Variants in ST18 observed in about 807,000 individuals in gnomAD.
ST18 encodes ST18 C2H2C-type zinc finger transcription factor.
A neutral mutation model predicts 110.0 loss-of-function variants in ST18; 50 were observed. That is an observed-to-expected ratio of 0.45 (90% CI 0.36 to 0.58). The LOEUF is 0.58. ST18 is among the 20% of genes least tolerant of loss of function. The probability of loss-of-function intolerance (pLI) is 0.00; values close to 1 mark genes in which losing one functional copy is unlikely to be tolerated. For missense variants in ST18, 1,306 were observed against 1,280.1 expected, an observed-to-expected ratio of 1.02 and a Z score of -0.31; for synonymous variants, 461 against 452.4, an observed-to-expected ratio of 1.02 and a Z score of -0.24.
intron 2 of ST18, among the ~76,000 whole-genome samples, chr8:52,271,569 C>T (rs1238193574): frequency 1.3e-5 from 2 of 152,150 alleles, no homozygotes; most frequent in Non-Finnish European, 2.9e-5. Context: ...GTATGAGTAC[C>T]CACGTAGTTT....
chr8:52,280,615 C>G (rs1327534350), intron 2 of ST18, among the ~76,000 whole-genome samples: 1 of 151,862 alleles, frequency 6.6e-6, no homozygotes, highest in South Asian at 2.1e-4. Flanking sequence ...TATTAAATGG[C>G]TTTATTATTA....
chr8:52,364,383 T>C (rs1826988553), intron 2 of ST18, among the ~76,000 whole-genome samples: 1 of 152,212 alleles, frequency 6.6e-6, no homozygotes, highest in Non-Finnish European at 1.5e-5. Flanking sequence ...CTGAGGTTCA[T>C]GATGTCTTTC....
At chr8:52,405,526 T>C (rs1184118334) in intron 2 of ST18, 1 of 152,242 alleles carries the variant, frequency 6.6e-6, no homozygotes, top group South Asian at 2.1e-4. Flanking sequence ...AGCAAATATT[T>C]ATTCAAATTG....
chr8:52,302,663 A>T (rs1056129008), intron 2 of ST18, among the ~76,000 whole-genome samples: 1 of 152,200 alleles, frequency 6.6e-6, no homozygotes, highest in African/African-American at 2.4e-5. Flanking sequence ...AAATTATGGG[A>T]ATATATCAAA....
At chr8:52,189,882 C>T (rs2073901706) in intron 8 of ST18, among the ~76,000 whole-genome samples, 1 of 152,190 alleles carries the variant, frequency 6.6e-6, no homozygotes, top group Admixed American at 6.5e-5. Context: ...GGTGCAGATA[C>T]ATATTGGCTT....
At chr8:52,147,453 T>C (rs1439918038) in intron 16 of ST18, among the ~76,000 whole-genome samples, 1 of 152,040 alleles carries the variant, frequency 6.6e-6, no homozygotes, top group Non-Finnish European at 1.5e-5. Flanking sequence ...AAAAGTATAA[T>C]CAGTGTCAAA....
chr8:52,281,469 C>T (rs555317997), intron 2 of ST18, among the ~76,000 whole-genome samples: 1 of 151,928 alleles, frequency 6.6e-6, no homozygotes, highest in Non-Finnish European at 1.5e-5. Context: ...ATTAGAAATG[C>T]GAAAGAAGGA....
intron 2 of ST18, among the ~76,000 whole-genome samples, chr8:52,307,459 T>A (rs1310111442): frequency 6.6e-6 from 1 of 152,258 alleles, no homozygotes; most frequent in African/African-American, 2.4e-5. Context: ...GGAAGTCATA[T>A]ACACATTATA....
intron 2 of ST18, among the ~76,000 whole-genome samples, chr8:52,250,689 A>T (rs1197547288): frequency 1.3e-5 from 2 of 151,854 alleles, no homozygotes; most frequent in Non-Finnish European, 1.5e-5. Context: ...TAAAATGTAC[A>T]CTGGCTACTG....
At chr8:52,128,604 T>A (rs1357960261) in intron 22 of ST18, among the ~76,000 whole-genome samples, 1 of 152,192 alleles carries the variant, frequency 6.6e-6, no homozygotes, top group Non-Finnish European at 1.5e-5. Flanking sequence ...GTCAAATTGT[T>A]CTTAAACGTC....
chr8:52,168,969 A>T (rs1415110201), intron 10 of ST18, among the ~76,000 whole-genome samples: 5 of 152,114 alleles, frequency 3.3e-5, no homozygotes, highest in African/African-American at 4.8e-5. Context: ...GACCTTGCCC[A>T]GGTAAGGTCA....
chr8:52,258,205 A>G (rs1324900180), intron 2 of ST18, among the ~76,000 whole-genome samples: 1 of 152,102 alleles, frequency 6.6e-6, no homozygotes, highest in Non-Finnish European at 1.5e-5. Context: ...TGAAATTGGG[A>G]AGTGTGAGTT....
intron 2 of ST18, among the ~76,000 whole-genome samples, chr8:52,385,536 G>T (rs1416096420): frequency 6.6e-6 from 1 of 151,006 alleles, no homozygotes; most frequent in African/African-American, 2.4e-5. Flanking sequence ...GGAGGCGGAG[G>T]TTGCAGTGAG....
chr8:52,341,173 T>C (rs535701993), intron 2 of ST18, among the ~76,000 whole-genome samples: 1 of 152,306 alleles, frequency 6.6e-6, no homozygotes, highest in African/African-American at 2.4e-5. Flanking sequence ...CCACTCCCCT[T>C]AAAAAAGTTA....
At position 52,240,626 on chromosome 8, in the gene ST18, C is replaced by T. The variant is rs576642196; in HGVS notation, c.-464-10549G>A. Among the ~76,000 whole-genome samples, 22 of 152,298 alleles carry T rather than the reference C, an allele frequency of 1.4e-4. 1 individual carries two copies. The East Asian group carries it at 1.7e-3, about 12-fold the overall frequency. On this transcript the variant is annotated intron_variant, in intron 2 of 25. Coordinates refer to ENST00000689386, the MANE Select transcript of ST18 (RefSeq NM_001352837.2). ...CTTATCTCTCCTGGTTCTTTCTCCT[C>T]AGCATAGAAACACATTTCTTCTTTA...
At chr8:52,113,415 G>C in intron 25 of ST18, 77 bp from the exon 26 acceptor site, 2 of 1,559,932 alleles carry the variant, frequency 1.3e-6, no homozygotes, top group Non-Finnish European at 1.7e-6. Flanking sequence ...TGACATCGAA[G>C]ATCAGTGATC....
intron 15 of ST18, among the ~76,000 whole-genome samples, chr8:52,156,894 C>T (rs1176649145): frequency 1.3e-5 from 2 of 152,288 alleles, no homozygotes; most frequent in South Asian, 2.1e-4. Context: ...CCCAGCATAA[C>T]AAACTCCTTT....
intron 2 of ST18, among the ~76,000 whole-genome samples, chr8:52,375,078 T>A (rs563150011): frequency 6.6e-6 from 1 of 152,208 alleles, no homozygotes; most frequent in East Asian, 1.9e-4. Flanking sequence ...CTCCCCTGAC[T>A]CAGGAATATC....
At chr8:52,394,516 C>G (rs1445113043) in intron 2 of ST18, among the ~76,000 whole-genome samples, 1 of 152,186 alleles carries the variant, frequency 6.6e-6, no homozygotes. Context: ...TTTCCAATCC[C>G]TGCCTGAGCA....
Sources: gnomAD v4.1 joint callset for allele counts (sites outside exome capture counted in the v4.1 genomes callset) on GRCh38, gnomAD v4.1.1 for gene constraint, MANE v1.5 for transcripts, NCBI Gene and HGNC (gene_info 2026-07-23, HGNC 2026-07-21) for gene names.